Variants in EBF2 observed in about 807,000 individuals in gnomAD.
EBF2 encodes the protein transcription factor COE2.
In EBF2, 21 loss-of-function variants were observed where a neutral mutation model predicts 72.8. The ratio of observed to expected loss-of-function variants is 0.29; its 90% CI spans 0.20 to 0.42. EBF2 has a LOEUF of 0.42. Among genes scored for constraint, EBF2 ranks in the 10% least tolerant of loss-of-function variants. The pLI, the probability that EBF2 is intolerant of heterozygous loss-of-function variation, is 1.00. For missense variants in EBF2, 637 were observed against 731.2 expected, an observed-to-expected ratio of 0.87 and a Z score of 1.49; for synonymous variants, 299 against 274.2, an observed-to-expected ratio of 1.09 and a Z score of -0.89.
At chr8:26,005,579 G>GAGAGAGAGAGAGA (rs71216409) in intron 6 of EBF2, among the ~76,000 whole-genome samples, 11 of 63,794 alleles carry the variant, frequency 1.7e-4, no homozygotes, top group South Asian at 4.8e-4. Context: ...GAGAGAGAGA[G>GAGAGAGAGAGAGA]GTATTTTGGG....
intron 1 of EBF2, among the ~76,000 whole-genome samples, chr8:26,043,589 G>T (rs1183334768): frequency 1.3e-5 from 2 of 152,194 alleles, no homozygotes; most frequent in Non-Finnish European, 2.9e-5. Context: ...GGCCACAGGA[G>T]GGAGGGAACC....
intron 6 of EBF2, among the ~76,000 whole-genome samples, chr8:25,911,993 G>A (rs2068770653): frequency 6.6e-6 from 1 of 152,194 alleles, no homozygotes; most frequent in African/African-American, 2.4e-5. Context: ...CTGAGGCAGG[G>A]AGGGTGCTTC....
At chr8:25,886,904 A>C in intron 9 of EBF2, 23 bp from the exon 10 acceptor site, 1 of 1,609,678 alleles carries the variant, frequency 6.2e-7, no homozygotes, top group South Asian at 1.1e-5. Flanking sequence ...CAGGCAGGGA[A>C]ATAAAATACC....
chr8:26,037,296 G>T (rs539288736), intron 5 of EBF2, among the ~76,000 whole-genome samples: 25 of 152,284 alleles, frequency 1.6e-4, no homozygotes, highest in African/African-American at 4.8e-4. Flanking sequence ...CCCCAGCCTT[G>T]GACAGAGAGT....
chr8:25,968,741 A>G (rs969685068), intron 6 of EBF2, among the ~76,000 whole-genome samples: 1 of 152,176 alleles, frequency 6.6e-6, no homozygotes, highest in Admixed American at 6.5e-5. Flanking sequence ...TATTTTTAGT[A>G]GAGACGGGGT....
At chr8:25,909,962 T>C (rs1803100244) in intron 6 of EBF2, among the ~76,000 whole-genome samples, 1 of 152,176 alleles carries the variant, frequency 6.6e-6, no homozygotes, top group Non-Finnish European at 1.5e-5. Context: ...TCTCTTTCAA[T>C]CTTTTATAGG....
intron 6 of EBF2, among the ~76,000 whole-genome samples, chr8:25,944,347 C>T (rs925439451): frequency 4.6e-5 from 7 of 152,110 alleles, no homozygotes; most frequent in Non-Finnish European, 7.3e-5. Context: ...TCCCTTCAGA[C>T]GGCCATTGTC....
Position 25,858,430 on chromosome 8 carries a change from T to C in EBF2, c.1417A>G (p.Ser473Gly), listed in dbSNP as rs988962065. Residue 473 changes from serine to glycine, a missense_variant, in exon 14 of 16, where the codon AGT becomes GGT. This residue lies in a region of EBF2 where 259 missense variants were observed against 268.1 expected (regional missense o/e 0.97). Coordinates refer to ENST00000520164, the MANE Select transcript of EBF2 (RefSeq NM_022659.4). ...SSSTPQQSNY[S>G]TSSNSMNGYS... ...CCATTCATACTGTTGCTGGAGGTAC[T>C]GTAATTAGACTGTTGAGGCGTGGAG... 9 of 1,614,010 alleles carry C rather than the reference T, an allele frequency of 5.6e-6. No homozygotes were observed. The Admixed American group carries it at 1.3e-4, about 24-fold the overall frequency.
chr8:26,001,282 A>G (rs1054931914), intron 6 of EBF2, among the ~76,000 whole-genome samples: 1 of 152,156 alleles, frequency 6.6e-6, no homozygotes, highest in Non-Finnish European at 1.5e-5. Flanking sequence ...AAGTTAAGAG[A>G]GGAGGAAGTG....
At chr8:26,043,113 T>C (rs1257365359) in intron 1 of EBF2, among the ~76,000 whole-genome samples, 1 of 152,232 alleles carries the variant, frequency 6.6e-6, no homozygotes, top group Non-Finnish European at 1.5e-5. Flanking sequence ...GAAACCCAAG[T>C]TGGGGGACCC....
Position 26,044,947 on chromosome 8 carries a change from C to A in EBF2, c.-88G>T. On this transcript the variant is annotated 5_prime_UTR_variant, in exon 1 of 16. Transcript: ENST00000520164. This position sits in a 1 kb window ranked among gnomAD's most constrained non-coding sequence, Gnocchi z 4.1. ...TCCCAACGTTGCCAGCAAATCGTCT[C>A]CTCCAAAGCAATCCAAGAAAAGGGA... is the stretch of plus-strand genomic sequence containing the variant. The A allele has an allele frequency of 7.0e-7, 1 of 1,429,102 alleles. No individual in the cohort carries two copies. The highest frequency in any genetic ancestry group is 9.4e-7 in the Non-Finnish European group (1 of 1,058,284). 88.5% of individuals were successfully genotyped at this position (1,429,102 alleles called of 1,614,324 possible). A position where few individuals can be genotyped will look rare whatever the true frequency, so the allele number is the denominator to read the frequency against.
intron 10 of EBF2, among the ~76,000 whole-genome samples, chr8:25,867,168 T>G (rs1802346050): frequency 6.6e-6 from 1 of 152,216 alleles, no homozygotes; most frequent in African/African-American, 2.4e-5. Flanking sequence ...GTCAGGAATT[T>G]ATGTGTCCAT....
intron 6 of EBF2, among the ~76,000 whole-genome samples, chr8:26,003,765 A>T (rs1293007790): frequency 6.6e-6 from 1 of 152,122 alleles, no homozygotes; most frequent in Non-Finnish European, 1.5e-5. Context: ...GAGAACTGAG[A>T]AGGGGCAATC....
chr8:26,024,370 C>T (rs1343344475), intron 6 of EBF2, among the ~76,000 whole-genome samples: 1 of 152,106 alleles, frequency 6.6e-6, no homozygotes, highest in Non-Finnish European at 1.5e-5. Context: ...CTTTGTTTTT[C>T]CATATAAACT....
At chr8:26,020,887 G>A (rs1010633540) in intron 6 of EBF2, among the ~76,000 whole-genome samples, 8 of 152,232 alleles carry the variant, frequency 5.3e-5, no homozygotes, top group African/African-American at 1.4e-4. Context: ...AGTATCGAGC[G>A]GACTGTTAGC....
At chr8:25,861,590 G>A (rs1802214002) in intron 11 of EBF2, among the ~76,000 whole-genome samples, 1 of 151,490 alleles carries the variant, frequency 6.6e-6, no homozygotes, top group South Asian at 2.1e-4. Context: ...CTATAAAATG[G>A]CTCTATAAAT....
In EBF2 at chr8:25,937,443, T is replaced by C. The variant is rs73677438; in HGVS notation, c.552-28888A>G. ...GCATTATATATTCAGATTAATTTAA[T>C]GAATGACTCATTTCAAAATCCTAGG... On this transcript the variant is annotated intron_variant, in intron 6 of 15. Transcript: ENST00000520164. Among the ~76,000 whole-genome samples, 517 of 152,360 alleles carry C rather than the reference T, an allele frequency of 3.4e-3. 1 individual carries two copies. Among genetic ancestry groups the C allele is most frequent in the African/African-American group, 0.012 (486 of 41,586 alleles).
At chr8:25,888,084 AC>A (rs1802721691) in intron 8 of EBF2, 112 bp from the exon 9 acceptor site, 2 of 1,199,962 alleles carry the variant, frequency 1.7e-6, no homozygotes, top group Non-Finnish European at 2.3e-6. Flanking sequence ...TATAAAATAC[AC>A]TAATGCTAAC....
chr8:26,041,524 G>A (rs969706913), intron 2 of EBF2: 2 of 165,508 alleles, frequency 1.2e-5, no homozygotes, highest in Non-Finnish European at 2.6e-5. Flanking sequence ...CTGGGGACAC[G>A]GAGACCCGGA....
Sources: allele counts gnomAD v4.1 joint callset (sites outside exome capture counted in the v4.1 genomes callset), GRCh38; gene constraint gnomAD v4.1.1; regional missense constraint gnomAD v4.1.1; non-coding constraint Gnocchi (gnomAD v3.1); transcripts MANE v1.5; gene names NCBI Gene and HGNC (gene_info 2026-07-23, HGNC 2026-07-21).